MPND: variants seen among roughly 807,000 people sequenced by gnomAD.
MPND encodes the protein MPN domain containing, also known as MPN domain-containing protein.
In MPND, 56 loss-of-function variants were observed where a neutral mutation model predicts 59.2. The observed-to-expected ratio is 0.95, with a 90% CI of 0.76 to 1.18. The LOEUF is 1.18. Among genes scored for constraint, MPND ranks in the 50% most tolerant of loss-of-function variants. The probability of loss-of-function intolerance (pLI) is 0.00; values close to 1 mark genes in which losing one functional copy is unlikely to be tolerated. For synonymous variants in MPND, 323 were observed against 291.9 expected, an observed-to-expected ratio of 1.11 and a Z score of -1.09; for missense variants, 671 against 676.0, an observed-to-expected ratio of 0.99 and a Z score of 0.08.
chr19:4,355,696 CTT>C (rs1972423547), intron 8 of MPND, among the ~76,000 whole-genome samples: 1 of 151,626 alleles, frequency 6.6e-6, no homozygotes, highest in Admixed American at 6.6e-5. Context: ...GTCTTGATCT[CTT>C]TACCTCGTGA....
In MPND at chr19:4,354,381, G is replaced by A. The variant is rs781500782; in HGVS notation, c.807G>A (p.Pro269=). The stretch of plus-strand genomic sequence containing the variant: ...TTGCAGCCATCAACAAGTTCCAGCC[G>A]TTCAACGTGGCTGTTTCTAGCAACG... ...TSFAAINKFQ[P]FNVAVSSNVL... Residue 269 remains proline (P), a synonymous_variant, in exon 6 of 13, where the codon CCG becomes CCA. Transcript: ENST00000599840. The A allele has an allele frequency of 8.3e-6, 13 of 1,561,656 alleles. No homozygotes were observed. Among genetic ancestry groups the A allele is most frequent in the South Asian group, 5.9e-5 (5 of 84,890 alleles).
At chr19:4,350,196 G>C (rs1012360471) in intron 3 of MPND, among the ~76,000 whole-genome samples, 1 of 152,134 alleles carries the variant, frequency 6.6e-6, no homozygotes, top group Non-Finnish European at 1.5e-5. Context: ...CCTGGGGCAC[G>C]ACCGTGCCTG....
rs773080433 is a variant in MPND at position 4,359,266 on chromosome 19, A to G, written c.1419+11A>G. Reference sequence around the variant, plus strand: ...CTCGACAAGCTTAAGGTGAGCCCCAAGTCCCCGCAGACCTCCTAACGGGGC... The same window carrying G: ...CTCGACAAGCTTAAGGTGAGCCCCAGGTCCCCGCAGACCTCCTAACGGGGC... On this transcript the variant is annotated intron_variant, in intron 12 of 12. Transcript: ENST00000599840. 6.2e-7 allele frequency: 1 copy of G among 1,609,236 alleles called. No homozygotes were observed. The highest frequency in any genetic ancestry group is 1.1e-5 in the South Asian group (1 of 90,980).
chr19:4,357,734 T>C, intron 10 of MPND, 149 bp downstream of exon 10: 1 of 771,684 alleles, frequency 1.3e-6, no homozygotes, highest in Non-Finnish European at 2.1e-6. Flanking sequence ...ACTGCTGCCC[T>C]GCCCATATTT....
Position 4,359,827 on chromosome 19 carries a change from C to T in MPND, c.1420-89C>T, listed in dbSNP as rs992994043. The T allele has an allele frequency of 9.4e-6, 10 of 1,063,240 alleles. No individual in the cohort carries two copies. In the East Asian group the frequency reaches 2.4e-4, roughly 25 times the overall value. 65.9% of individuals were successfully genotyped at this position (1,063,240 alleles called of 1,614,324 possible). A position where few individuals can be genotyped will look rare whatever the true frequency, so the allele number is the denominator to read the frequency against. On this transcript the variant is annotated intron_variant, in intron 12 of 12. Coordinates refer to ENST00000599840, the MANE Select transcript of MPND (RefSeq NM_001300862.2). ...TGCCTCGGTCTCAGGGGGGCTCAGTCAGGATGCTGGACTTGCACGGTGGAC... is the reference window on the plus strand; with the variant it reads ...TGCCTCGGTCTCAGGGGGGCTCAGTTAGGATGCTGGACTTGCACGGTGGAC...
intron 3 of MPND, among the ~76,000 whole-genome samples, chr19:4,350,296 G>A (rs1972287304): frequency 6.6e-6 from 1 of 152,174 alleles, no homozygotes. Flanking sequence ...GAAGGGGACA[G>A]GGCAGGTCAT....
chr19:4,357,568 G>A lies in MPND; in HGVS notation c.1219G>A (p.Val407Met), dbSNP rs1294418151. The part of the protein sequence containing the change: ...GPESKISPFW[V>M]MPPPEQRPSD... ...CGAGTCCAAGATCTCACCTTTCTGG[G>A]TGATGCCTCCTCCCGAGGTAGGTGG... Residue 407 changes from valine (V) to methionine (M), a missense_variant, in exon 10 of 13, where the codon GTG becomes ATG. Physicochemically the swap from Val to Met is conservative, Grantham distance 21. Coordinates refer to ENST00000599840, the MANE Select transcript of MPND (RefSeq NM_001300862.2). 2 of 1,612,840 alleles carry A rather than the reference G, an allele frequency of 1.2e-6. No individual in the cohort carries two copies. Among genetic ancestry groups the A allele is most frequent in the Non-Finnish European group, 1.7e-6 (2 of 1,179,532 alleles).
intron 10 of MPND, 94 bp from the exon 11 acceptor site, chr19:4,357,987 ACT>A (rs1191150498): frequency 2.0e-6 from 2 of 982,652 alleles, no homozygotes; most frequent in Admixed American, 4.1e-5. Flanking sequence ...CGGGGTGTGC[ACT>A]CTCCCGTTCC....
intron 8 of MPND, among the ~76,000 whole-genome samples, chr19:4,355,536 C>G (rs1308598880): frequency 1.3e-5 from 2 of 152,044 alleles, no homozygotes; most frequent in African/African-American, 4.8e-5. Context: ...GGGGTTTCAC[C>G]GCGTTAGCCA....
At chr19:4,350,945 C>T (rs1293702588) in intron 3 of MPND, among the ~76,000 whole-genome samples, 1 of 151,866 alleles carries the variant, frequency 6.6e-6, no homozygotes, top group East Asian at 1.9e-4. Flanking sequence ...GCCAGGCGAG[C>T]GTGGGATCCG....
At chr19:4,354,452 G>A (rs1972390024) in intron 6 of MPND, 32 bp downstream of exon 6, 1 of 1,537,550 alleles carries the variant, frequency 6.5e-7, no homozygotes, top group Non-Finnish European at 8.8e-7. Flanking sequence ...GGGGCAAGGG[G>A]CTCCGGAGCC....
chr19:4,357,978 G>A (rs539675983), intron 10 of MPND, 105 bp from the exon 11 acceptor site: 45 of 878,880 alleles, frequency 5.1e-5, no homozygotes, highest in South Asian at 4.7e-4. Flanking sequence ...GAGCTGAGCC[G>A]GGGTGTGCAC....
In MPND at chr19:4,347,633, GGTTAC is replaced by G. The variant is rs200374997; in HGVS notation, c.531+1657_531+1661del. ...TCCATGTTAAAAGCAGACCACAAAT[GGTTAC>G]GTTATACAAGCTGTGAGGTTTTTAA... On this transcript the variant is annotated intron_variant, in intron 3 of 12. Coordinates refer to ENST00000599840, the MANE Select transcript of MPND (RefSeq NM_001300862.2). The G allele has an allele frequency of 4.4e-3, 1,130 of 254,352 alleles. 18 individuals carry two copies. Among genetic ancestry groups the G allele is most frequent in the African/African-American group, 0.024 (1,047 of 44,268 alleles). 15.8% of individuals were successfully genotyped at this position (254,352 alleles called of 1,614,324 possible).
intron 3 of MPND, among the ~76,000 whole-genome samples, chr19:4,351,041 G>T (rs1470204432): frequency 6.6e-6 from 1 of 152,154 alleles, no homozygotes; most frequent in East Asian, 1.9e-4. Flanking sequence ...CAGAAAGTGA[G>T]ATGTGACCCA....
intron 3 of MPND, among the ~76,000 whole-genome samples, chr19:4,349,559 G>A (rs1467536746): frequency 2.0e-5 from 3 of 151,872 alleles, no homozygotes; most frequent in Admixed American, 6.6e-5. Context: ...TGCCCAGGCT[G>A]GAGCGCAATG....
intron 8 of MPND, 28 bp downstream of exon 8, chr19:4,355,201 CTGGGGAGGGT>C (rs779786883): frequency 1.2e-6 from 2 of 1,609,496 alleles, no homozygotes; most frequent in Admixed American, 3.4e-5. Flanking sequence ...AGGTGGCATT[CTGGGGAGGGT>C]TGGGAAGGGA....
chr19:4,343,696 C>G lies in MPND; in HGVS notation c.8-12C>G. On this transcript the variant is annotated splice_polypyrimidine_tract_variant and intron_variant, in intron 1 of 12. Transcript: ENST00000599840. ...GGCGAGCGGCCTCCCTGCAGCCTCT[C>G]GCTGTCCGCAGCTCCGGAGCCGCTG... 2 of 1,198,114 alleles carry G rather than the reference C, an allele frequency of 1.7e-6. No individual in the cohort carries two copies. The highest frequency in any genetic ancestry group is 2.1e-6 in the Non-Finnish European group (2 of 966,314). 74.2% of individuals were successfully genotyped at this position (1,198,114 alleles called of 1,614,324 possible). A position where few individuals can be genotyped will look rare whatever the true frequency, so the allele number is the denominator to read the frequency against.
intron 3 of MPND, chr19:4,347,767 C>T: frequency 4.8e-6 from 3 of 623,542 alleles, no homozygotes; most frequent in Non-Finnish European, 8.0e-6. Context: ...CTGCCCGACG[C>T]AGTGGCAAAA....
intron 2 of MPND, 32 bp downstream of exon 2, chr19:4,344,026 G>A (rs1354925767): frequency 3.1e-6 from 4 of 1,279,128 alleles, no homozygotes; most frequent in South Asian, 4.8e-5. Context: ...TCCCATCGCG[G>A]CTCGGGCAGG....
Sources: gnomAD v4.1 joint callset for allele counts (sites outside exome capture counted in the v4.1 genomes callset) on GRCh38, gnomAD v4.1.1 for gene constraint, MANE v1.5 for transcripts, NCBI Gene and HGNC (gene_info 2026-07-23, HGNC 2026-07-21) for gene names.